MTSS1: variants seen among roughly 807,000 people sequenced by gnomAD.
The protein encoded by MTSS1 is MTSS I-BAR domain containing 1.
Under a neutral mutation model 79.0 loss-of-function variants are expected in MTSS1, and 18 were observed. That is an observed-to-expected ratio of 0.23 (90% confidence interval 0.16 to 0.34). The LOEUF (loss-of-function observed/expected upper bound fraction) is 0.34, where lower values mean the gene tolerates loss of function less well. Ranked by LOEUF, MTSS1 falls within the 10% of genes least tolerant of loss-of-function variation. MTSS1 has a pLI of 1.00. For synonymous variants in MTSS1, 341 were observed against 368.6 expected (o/e 0.93, Z 0.86); for missense variants, 815 against 986.2 (o/e 0.83, Z 2.33).
At chr8:124,673,699 G>T (rs948253453) in intron 3 of MTSS1, among the ~76,000 whole-genome samples, 2 of 152,346 alleles carry the variant, frequency 1.3e-5, no homozygotes, top group Non-Finnish European at 2.9e-5. Flanking sequence ...CTCTTGCCTT[G>T]TGTTAGGGCA....
chr8:124,728,048 TC>T lies in MTSS1; in HGVS notation c.-94del. On this transcript the variant is annotated 5_prime_UTR_variant, in exon 1 of 14. Transcript: ENST00000518547. The surrounding 1 kb of genome is among the most constrained non-coding windows in gnomAD (Gnocchi z 6.1). ...GCTCACCCCAGAAGGAATTTCACCT[TC>T]CGAGAGACCCACCTCGGACTCGCAG... is the stretch of plus-strand genomic sequence containing the variant. The T allele has an allele frequency of 8.9e-7, 1 of 1,126,594 alleles. No individual in the cohort carries two copies. Among genetic ancestry groups the T allele is most frequent in the South Asian group, 1.4e-5 (1 of 70,724 alleles). The allele number at this position is 1,126,594 out of a possible 1,614,324, so 69.8% of individuals were successfully genotyped here.
chr8:124,660,341 G>C (rs1020580042), intron 3 of MTSS1, among the ~76,000 whole-genome samples: 3 of 151,528 alleles, frequency 2.0e-5, no homozygotes, highest in Admixed American at 1.3e-4. Flanking sequence ...CCAAAAGAAA[G>C]TAAACAAGGG....
rs187498761 is a variant in MTSS1 at position 124,565,788 on chromosome 8, G to A, written c.727-29C>T. On this transcript the variant is annotated intron_variant, in intron 8 of 13. Transcript: ENST00000518547. ...AGGGGACAGAGCCAGCTGGGTGAAT[G>A]AGGTGCTGAGAGGGGAAGCGTTAGC... is the stretch of plus-strand genomic sequence containing the variant. 6.3e-5 allele frequency: 97 copies of A among 1,535,324 alleles called. No homozygotes were observed. The African/African-American group carries it at 1.2e-3, about 19-fold the overall frequency.
At chr8:124,690,760 C>T (rs1370223245) in intron 3 of MTSS1, among the ~76,000 whole-genome samples, 6 of 152,174 alleles carry the variant, frequency 3.9e-5, no homozygotes, top group Non-Finnish European at 4.4e-5. Flanking sequence ...CTCATGGTTA[C>T]AAATCTCCTA....
At chr8:124,593,204 G>A (rs1192627195) in intron 3 of MTSS1, among the ~76,000 whole-genome samples, 2 of 152,164 alleles carry the variant, frequency 1.3e-5, no homozygotes, top group East Asian at 1.9e-4. Flanking sequence ...GACGAGGAAC[G>A]TTTTATTCCC....
intron 3 of MTSS1, among the ~76,000 whole-genome samples, chr8:124,609,429 G>C (rs926350511): frequency 6.6e-6 from 1 of 152,162 alleles, no homozygotes. Flanking sequence ...AGAGTCCCTC[G>C]GTTCCCACCT....
intron 11 of MTSS1, among the ~76,000 whole-genome samples, chr8:124,557,474 C>G (rs1824125458): frequency 6.6e-6 from 1 of 152,232 alleles, no homozygotes; most frequent in South Asian, 2.1e-4. Flanking sequence ...TCAGCCCCAG[C>G]TACCTGTGGA....
At chr8:124,650,800 C>A (rs774681938) in intron 3 of MTSS1, among the ~76,000 whole-genome samples, 1 of 152,178 alleles carries the variant, frequency 6.6e-6, no homozygotes, top group Non-Finnish European at 1.5e-5. Context: ...GCTCCAGAGC[C>A]ATCCCCAGGG....
At chr8:124,610,627 A>G (rs1419342578) in intron 3 of MTSS1, among the ~76,000 whole-genome samples, 1 of 152,180 alleles carries the variant, frequency 6.6e-6, no homozygotes, top group Non-Finnish European at 1.5e-5. Context: ...GTCCCTGCCA[A>G]ATAGTCATCT....
At chr8:124,650,622 T>C (rs1819787147) in intron 3 of MTSS1, among the ~76,000 whole-genome samples, 1 of 152,218 alleles carries the variant, frequency 6.6e-6, no homozygotes, top group African/African-American at 2.4e-5. Flanking sequence ...CCTTCTGCCA[T>C]GCACGAACAT....
At chr8:124,689,361 G>C (rs1827553604) in intron 3 of MTSS1, among the ~76,000 whole-genome samples, 1 of 151,934 alleles carries the variant, frequency 6.6e-6, no homozygotes, top group African/African-American at 2.4e-5. Context: ...TTACATTCCA[G>C]ATGGTTATTT....
At chr8:124,718,362 C>T (rs781677271) in intron 1 of MTSS1, among the ~76,000 whole-genome samples, 2 of 151,986 alleles carry the variant, frequency 1.3e-5, no homozygotes, top group Admixed American at 6.6e-5. Flanking sequence ...AGGGGACCCC[C>T]GCTCCAGGTC....
chr8:124,556,440 T>C lies in MTSS1; in HGVS notation c.1231-35A>G, dbSNP rs372644783. The C allele has an allele frequency of 1.7e-5, 27 of 1,573,936 alleles. No homozygotes were observed. The African/African-American group carries it at 3.2e-4, about 19-fold the overall frequency. On this transcript the variant is annotated intron_variant, in intron 11 of 13. Coordinates refer to ENST00000518547, the MANE Select transcript of MTSS1 (RefSeq NM_014751.6). ...ACAAGTGCGGTCAGGAGCCAGGGCC[T>C]CTGCCTCCACTGGAGGGCTGCGGGG... is the stretch of plus-strand genomic sequence containing the variant.
rs1280975680 is a variant in MTSS1, at chr8:124,658,684, G to C, written c.208+40842C>G. ...CAGGAGGGAGAGACAGAAGGGGGAG[G>C]TGCCACACACTTCTAAACAACCAGA... is the stretch of plus-strand genomic sequence containing the variant. On this transcript the variant is annotated intron_variant, in intron 3 of 13. Coordinates refer to ENST00000518547, the MANE Select transcript of MTSS1 (RefSeq NM_014751.6). 2.0e-5 allele frequency among the ~76,000 whole-genome samples: 3 copies of C among 152,122 alleles called. No individual in the cohort carries two copies. The East Asian group carries it at 5.8e-4, about 29-fold the overall frequency.
intron 3 of MTSS1, among the ~76,000 whole-genome samples, chr8:124,669,041 T>G (rs114416040): frequency 6.6e-6 from 1 of 152,218 alleles, no homozygotes; most frequent in Non-Finnish European, 1.5e-5. Context: ...TGATTGCCAC[T>G]GACTTCATTT....
At chr8:124,712,137 A>C (rs1173878887) in intron 1 of MTSS1, among the ~76,000 whole-genome samples, 2 of 152,092 alleles carry the variant, frequency 1.3e-5, no homozygotes, top group African/African-American at 4.8e-5. Flanking sequence ...ATTTTATCTC[A>C]TCTTGGTTTT....
At chr8:124,610,180 G>A (rs1310620644) in intron 3 of MTSS1, among the ~76,000 whole-genome samples, 1 of 152,142 alleles carries the variant, frequency 6.6e-6, no homozygotes, top group Non-Finnish European at 1.5e-5. Flanking sequence ...ATAGGATCGT[G>A]ATTCTTCTTC....
intron 10 of MTSS1, among the ~76,000 whole-genome samples, chr8:124,559,856 T>C (rs1224499597): frequency 1.3e-5 from 2 of 152,242 alleles, no homozygotes; most frequent in African/African-American, 4.8e-5. Flanking sequence ...TAACCTCAGT[T>C]TGTTTAAATA....
intron 3 of MTSS1, among the ~76,000 whole-genome samples, chr8:124,686,210 C>G (rs965118835): frequency 6.6e-6 from 1 of 152,210 alleles, no homozygotes; most frequent in African/African-American, 2.4e-5. Flanking sequence ...CCTGCAGCCG[C>G]CTCCCCATCC....
Sources: allele counts gnomAD v4.1 joint callset (sites outside exome capture counted in the v4.1 genomes callset), GRCh38; gene constraint gnomAD v4.1.1; non-coding constraint Gnocchi (gnomAD v3.1); transcripts MANE v1.5; gene names NCBI Gene and HGNC (gene_info 2026-07-23, HGNC 2026-07-21).